CFLAR: variants seen among roughly 807,000 people sequenced by gnomAD.
The protein encoded by CFLAR is CASP8 and FADD-like apoptosis regulator.
Under a neutral mutation model 51.1 loss-of-function variants are expected in CFLAR, and 14 were observed. The ratio of observed to expected loss-of-function variants is 0.27; its 90% CI spans 0.18 to 0.43. The LOEUF is 0.43. Ranked by LOEUF, CFLAR falls within the 20% of genes least tolerant of loss-of-function variation. The pLI is 1.00. For missense variants in CFLAR, 390 were observed against 566.5 expected (o/e 0.69, Z 3.16); for synonymous variants, 210 against 211.6 (o/e 0.99, Z 0.06).
rs1181138940 is a variant in CFLAR at position 201,173,954 on chromosome 2, G to A, written c.*9981G>A. On this transcript the variant is annotated 3_prime_UTR_variant, in exon 10 of 10. Coordinates refer to ENST00000309955, the MANE Select transcript of CFLAR (RefSeq NM_003879.7). ...CCCAAAATGCTAGGATTACAGGCGT[G>A]AGCCACCACACCCGGTGGGTTGTCT... 2.0e-5 allele frequency: 3 copies of A among 152,232 alleles called. No individual in the cohort carries two copies. The highest frequency in any genetic ancestry group is 7.2e-5 in the African/African-American group (3 of 41,464). 9.4% of individuals were successfully genotyped at this position (152,232 alleles called of 1,614,324 possible). A position where few individuals can be genotyped will look rare whatever the true frequency, so the allele number is the denominator to read the frequency against.
Position 201,138,409 on chromosome 2 carries a change from CTCATCGCGATCATTGACGATAGGCAGCT to C in CFLAR, c.524-1945_524-1918del, listed in dbSNP as rs2050440893. On this transcript the variant is annotated intron_variant, in intron 4 of 9. Coordinates refer to ENST00000309955, the MANE Select transcript of CFLAR (RefSeq NM_003879.7). This position sits in a 1 kb window ranked among gnomAD's most constrained non-coding sequence, Gnocchi z 4.0. Reference sequence around the variant, plus strand: ...CGGTGCAGGTGATAATGGCCACCAGCTCATCGCGATCATTGACGATAGGCAGCTTCCTTTCTTACTAAGCTGCAGGATC... The same window carrying C: ...CGGTGCAGGTGATAATGGCCACCAGCTCCTTTCTTACTAAGCTGCAGGATC... The C allele has an allele frequency of 2.5e-6, 2 of 787,820 alleles. No homozygotes were observed. The highest frequency in any genetic ancestry group is 4.6e-6 in the Non-Finnish European group (2 of 432,266). 48.8% of individuals were successfully genotyped at this position (787,820 alleles called of 1,614,324 possible).
rs111572649 is a variant in CFLAR at position 201,153,846 on chromosome 2, A to T, written c.793+4011A>T. 8.4e-3 allele frequency among the ~76,000 whole-genome samples: 1,236 copies of T among 147,058 alleles called. 21 individuals carry two copies. The highest frequency in any genetic ancestry group is 0.029 in the African/African-American group (1,158 of 39,760). On this transcript the variant is annotated intron_variant, in intron 8 of 9. Transcript: ENST00000309955. ...ATATAGGTACTATTCTCTCCATTAA[A>T]TTTTTTTTGTTCTACTTAGAACTAA...
Position 201,166,462 on chromosome 2 carries a change from A to C in CFLAR, c.*2489A>C, listed in dbSNP as rs1322212862. 6.1e-6 allele frequency: 1 copy of C among 164,696 alleles called. No homozygotes were observed. Among genetic ancestry groups the C allele is most frequent in the South Asian group, 1.3e-4 (1 of 7,472 alleles). The allele number at this position is 164,696 out of a possible 1,614,324, so 10.2% of individuals were successfully genotyped here. A position where few individuals can be genotyped will look rare whatever the true frequency, so the allele number is the denominator to read the frequency against. ...CTCAGACGGGGTGGCCGGGCAGAGA[A>C]GCTCCTCACATCCCAGACGGGGGGG... On this transcript the variant is annotated 3_prime_UTR_variant, in exon 10 of 10. Transcript: ENST00000309955.
chr2:201,148,789 G>A (rs1269538677), intron 6 of CFLAR: 12 of 474,790 alleles, frequency 2.5e-5, no homozygotes, highest in East Asian at 1.1e-4. Flanking sequence ...AGCTTTTCCA[G>A]ATAGCCCCTG....
At chr2:201,117,748 ATCT>A (rs1350639540) in intron 1 of CFLAR, among the ~76,000 whole-genome samples, 5 of 136,444 alleles carry the variant, frequency 3.7e-5, no homozygotes, top group South Asian at 2.3e-4. Context: ...GAGCTCCAAG[ATCT>A]TTTTTTTTTT....
intron 5 of CFLAR, among the ~76,000 whole-genome samples, chr2:201,142,486 A>G (rs1939151328): frequency 1.3e-5 from 2 of 152,130 alleles, no homozygotes; most frequent in African/African-American, 2.4e-5. Flanking sequence ...CCTAAAGAAC[A>G]TTAACTGATT....
At chr2:201,147,062 T>C (rs1007264611) in intron 6 of CFLAR, among the ~76,000 whole-genome samples, 1 of 152,214 alleles carries the variant, frequency 6.6e-6, no homozygotes, top group South Asian at 2.1e-4. Flanking sequence ...CTAGTAGATT[T>C]GCATAGGAAT....
At chr2:201,156,606 T>G (rs1271788121) in intron 8 of CFLAR, among the ~76,000 whole-genome samples, 4 of 152,192 alleles carry the variant, frequency 2.6e-5, no homozygotes, top group African/African-American at 9.7e-5. Flanking sequence ...TTACTGTATT[T>G]TGGTTTTTTT....
rs964245585 is a variant in CFLAR at position 201,138,896 on chromosome 2, G to A, written c.524-1461G>A. ...TCTTCAGAGTGACCATTGGGTCAGG[G>A]CTGAGGTCAGGTCCACCTCATCAGC... On this transcript the variant is annotated intron_variant, in intron 4 of 9. Transcript: ENST00000309955. This position sits in a 1 kb window ranked among gnomAD's most constrained non-coding sequence, Gnocchi z 4.0. 3 of 680,880 alleles carry A rather than the reference G, an allele frequency of 4.4e-6. No individual in the cohort carries two copies. The highest frequency in any genetic ancestry group is 1.8e-5 in the African/African-American group (1 of 56,692). 42.2% of individuals were successfully genotyped at this position (680,880 alleles called of 1,614,324 possible).
intron 8 of CFLAR, chr2:201,151,159 G>C (rs1941216871): frequency 6.6e-6 from 1 of 152,122 alleles, no homozygotes; most frequent in South Asian, 2.1e-4. Flanking sequence ...TTTGGTCGTT[G>C]GCCTCAGTCT....
chr2:201,152,091 A>G (rs535801239), intron 8 of CFLAR, among the ~76,000 whole-genome samples: 153 of 151,924 alleles, frequency 1.0e-3, no homozygotes, highest in African/African-American at 3.6e-3. Flanking sequence ...GGTTCAAGCA[A>G]TTCTCCTGCC....
rs917943306 is a variant in CFLAR, at chr2:201,138,431, G to A, written c.524-1926G>A. ...CAGCTCATCGCGATCATTGACGATA[G>A]GCAGCTTCCTTTCTTACTAAGCTGC... On this transcript the variant is annotated intron_variant, in intron 4 of 9. Coordinates refer to ENST00000309955, the MANE Select transcript of CFLAR (RefSeq NM_003879.7). The surrounding 1 kb of genome is among the most constrained non-coding windows in gnomAD (Gnocchi z 4.0). The A allele has an allele frequency of 2.5e-6, 2 of 813,396 alleles. No homozygotes were observed. The highest frequency in any genetic ancestry group is 3.3e-5 in the African/African-American group (2 of 59,852). 50.4% of individuals were successfully genotyped at this position (813,396 alleles called of 1,614,324 possible). A position where few individuals can be genotyped will look rare whatever the true frequency, so the allele number is the denominator to read the frequency against.
intron 1 of CFLAR, chr2:201,122,466 CT>C (rs2048280886): frequency 6.6e-6 from 1 of 152,208 alleles, no homozygotes; most frequent in Admixed American, 6.5e-5. Context: ...TACACATGGG[CT>C]GCAATGGTCC....
At position 201,166,637 on chromosome 2, in the gene CFLAR, G is replaced by C. The variant is rs576724358; in HGVS notation, c.*2664G>C. 5.5e-6 allele frequency: 1 copy of C among 180,382 alleles called. No homozygotes were observed. The highest frequency in any genetic ancestry group is 2.4e-5 in the African/African-American group (1 of 41,858). The allele number at this position is 180,382 out of a possible 1,614,324, so 11.2% of individuals were successfully genotyped here. A position where few individuals can be genotyped will look rare whatever the true frequency, so the allele number is the denominator to read the frequency against. ...AGGCGGCTGGGAGGCGGAGGCCGTAGCCAGCTGAGATCACACCACTGCACT... is the reference window on the plus strand; with the variant it reads ...AGGCGGCTGGGAGGCGGAGGCCGTACCCAGCTGAGATCACACCACTGCACT... On this transcript the variant is annotated 3_prime_UTR_variant, in exon 10 of 10. Coordinates refer to ENST00000309955, the MANE Select transcript of CFLAR (RefSeq NM_003879.7).
chr2:201,137,496 C>G, intron 4 of CFLAR: 1 of 598,510 alleles, frequency 1.7e-6, no homozygotes, highest in Admixed American at 2.3e-5. Context: ...CCTCCACCAT[C>G]TCGCCCTGCA....
At chr2:201,133,987 C>T (rs555705491) in intron 3 of CFLAR, among the ~76,000 whole-genome samples, 74 of 148,378 alleles carry the variant, frequency 5.0e-4, no homozygotes, top group Non-Finnish European at 8.8e-4. Context: ...GTGAAGATCT[C>T]GGGGATGTCA....
At chr2:201,123,105 G>A (rs1211404366) in intron 1 of CFLAR, among the ~76,000 whole-genome samples, 1 of 152,142 alleles carries the variant, frequency 6.6e-6, no homozygotes, top group African/African-American at 2.4e-5. Context: ...CTTGCTCCTG[G>A]TGACTTTGCC....
chr2:201,163,755 G>T, intron 9 of CFLAR, 80 bp from the exon 10 acceptor site: 3 of 1,538,042 alleles, frequency 2.0e-6, no homozygotes, highest in Non-Finnish European at 2.6e-6. Flanking sequence ...TTTCACATCT[G>T]TTGGCTCATT....
chr2:201,165,561 T>G lies in CFLAR; in HGVS notation c.*1588T>G, dbSNP rs2125960801. 1 of 153,042 alleles carries G rather than the reference T, an allele frequency of 6.5e-6. No individual in the cohort carries two copies. The highest frequency in any genetic ancestry group is 2.4e-5 in the African/African-American group (1 of 41,310). 9.5% of individuals were successfully genotyped at this position (153,042 alleles called of 1,614,324 possible). A position where few individuals can be genotyped will look rare whatever the true frequency, so the allele number is the denominator to read the frequency against. ...TGCTGGGATTACAGGTGTGAGCCAC[T>G]GCACCTGGCCTATTATTATTTTTAA... On this transcript the variant is annotated 3_prime_UTR_variant, in exon 10 of 10. Transcript: ENST00000309955.
Sources: allele counts gnomAD v4.1 joint callset (sites outside exome capture counted in the v4.1 genomes callset), GRCh38; gene constraint gnomAD v4.1.1; non-coding constraint Gnocchi (gnomAD v3.1); transcripts MANE v1.5; gene names NCBI Gene and HGNC (gene_info 2026-07-23, HGNC 2026-07-21).